ARHGAP39: variants seen among roughly 807,000 people sequenced by gnomAD.
ARHGAP39 encodes rho GTPase-activating protein 39.
ARHGAP39 carries 44 observed loss-of-function variants against 106.9 expected under a neutral mutation model. That is an observed-to-expected ratio of 0.41 (90% CI 0.32 to 0.53). The LOEUF is 0.53. Among genes scored for constraint, ARHGAP39 ranks in the 20% least tolerant of loss-of-function variants. The pLI is 0.21. For synonymous variants in ARHGAP39, 768 were observed against 693.2 expected (o/e 1.11, Z -1.69); for missense variants, 1,496 against 1,577.3 (o/e 0.95, Z 0.87).
At chr8:144,629,325 C>T (rs769591488) in intron 1 of ARHGAP39, among the ~76,000 whole-genome samples, 49 of 152,312 alleles carry the variant, frequency 3.2e-4, no homozygotes, top group Non-Finnish European at 5.6e-4. Context: ...TCTAGCGGGC[C>T]GAAGGCAGAG....
Position 144,681,154 on chromosome 8 carries a change from C to T in ARHGAP39, c.-82+4532G>A, listed in dbSNP as rs535094075. 7.2e-5 allele frequency among the ~76,000 whole-genome samples: 11 copies of T among 152,292 alleles called. No homozygotes were observed. The South Asian group carries it at 2.3e-3, about 32-fold the overall frequency. ...ACTCAACCTCAGGGCACAGCAAAGA[C>T]TTGTCAGATAAACTTGGGAACAAGT... On this transcript the variant is annotated intron_variant, in intron 1 of 11. Transcript: ENST00000377307.
intron 2 of ARHGAP39, among the ~76,000 whole-genome samples, chr8:144,597,777 G>A (rs1819677341): frequency 6.6e-6 from 1 of 152,210 alleles, no homozygotes; most frequent in African/African-American, 2.4e-5. Flanking sequence ...AAAGGCAGGT[G>A]GACAGAGAAC....
At chr8:144,539,375 C>T (rs1270533447) in intron 6 of ARHGAP39, among the ~76,000 whole-genome samples, 1 of 152,184 alleles carries the variant, frequency 6.6e-6, no homozygotes, top group African/African-American at 2.4e-5. Context: ...TCTTCTCATT[C>T]TTTTAACAGT....
intron 6 of ARHGAP39, among the ~76,000 whole-genome samples, chr8:144,539,881 G>C (rs539702171): frequency 3.9e-4 from 59 of 152,282 alleles, no homozygotes; most frequent in Non-Finnish European, 7.5e-4. Flanking sequence ...TAGGTCCTTT[G>C]TAGTTCCTAT....
rs942045550 is a variant in ARHGAP39 at position 144,635,566 on chromosome 8, G to C, written c.-81-29871C>G. On this transcript the variant is annotated intron_variant, in intron 1 of 11. Coordinates refer to ENST00000377307, the MANE Select transcript of ARHGAP39 (RefSeq NM_025251.3). ...CTTGAAAATCAGTCAGACCCAAGGA[G>C]GGGGTGTGGGAACCCCGATTTGTAC... 5.9e-5 allele frequency among the ~76,000 whole-genome samples: 9 copies of C among 152,340 alleles called. No individual in the cohort carries two copies. The East Asian group carries it at 1.7e-3, about 29-fold the overall frequency.
chr8:144,567,867 C>T lies in ARHGAP39; in HGVS notation c.513-12224G>A, dbSNP rs530826890. ...AGATGGCTCACTCTCCTTATCCTGC[C>T]CCTTTGTCTTGTATCCAATAAATAT... On this transcript the variant is annotated intron_variant, in intron 3 of 11. Coordinates refer to ENST00000377307, the MANE Select transcript of ARHGAP39 (RefSeq NM_025251.3). Among the ~76,000 whole-genome samples, 25 of 152,248 alleles carry T rather than the reference C, an allele frequency of 1.6e-4. No individual in the cohort carries two copies. In the South Asian group the frequency reaches 4.2e-3, roughly 25 times the overall value.
intron 3 of ARHGAP39, among the ~76,000 whole-genome samples, chr8:144,570,896 T>C (rs1329277208): frequency 6.6e-6 from 1 of 152,290 alleles, no homozygotes; most frequent in East Asian, 1.9e-4. Context: ...AATTGATAAA[T>C]TCCTGGACAC....
chr8:144,532,984 G>A, intron 9 of ARHGAP39, 142 bp downstream of exon 9: 1 of 1,035,932 alleles, frequency 9.7e-7, no homozygotes, highest in South Asian at 1.6e-5. Flanking sequence ...CCACACTGTG[G>A]CCCCACCCTT....
intron 3 of ARHGAP39, among the ~76,000 whole-genome samples, chr8:144,558,155 C>A (rs926584079): frequency 5.9e-5 from 9 of 152,298 alleles, no homozygotes; most frequent in Admixed American, 1.3e-4. Context: ...ATGAATAATA[C>A]TGTAAAGTCT....
At chr8:144,600,763 A>G (rs528329058) in intron 2 of ARHGAP39, among the ~76,000 whole-genome samples, 1 of 140,344 alleles carries the variant, frequency 7.1e-6, no homozygotes, top group African/African-American at 2.7e-5. Flanking sequence ...TTGTGTACCT[A>G]CCTGCGTGTG....
Position 144,645,812 on chromosome 8 carries a change from A to G in ARHGAP39, c.-82+39874T>C, listed in dbSNP as rs1821430214. Among the ~76,000 whole-genome samples the G allele has an allele frequency of 6.6e-6, 1 of 152,210 alleles. No homozygotes were observed. Among genetic ancestry groups the G allele is most frequent in the East Asian group, 1.9e-4 (1 of 5,196 alleles). On this transcript the variant is annotated intron_variant, in intron 1 of 11. Transcript: ENST00000377307. The surrounding 1 kb of genome is among the most constrained non-coding windows in gnomAD (Gnocchi z 4.4). ...AAGTCATAACCAAAGGGGCTGCCTGAGCGAGGCCAGGGCTGCAGGGGGAGC... is the reference window on the plus strand; with the variant it reads ...AAGTCATAACCAAAGGGGCTGCCTGGGCGAGGCCAGGGCTGCAGGGGGAGC...
chr8:144,533,770 C>T (rs948136539), intron 8 of ARHGAP39, among the ~76,000 whole-genome samples: 1 of 152,178 alleles, frequency 6.6e-6, no homozygotes, highest in Non-Finnish European at 1.5e-5. Context: ...GCTGAGAGCG[C>T]TGGGGAGGGG....
At chr8:144,698,701 C>A in the ARHGAP39 span, 1 of 356,766 alleles carries the variant, frequency 2.8e-6, no homozygotes, top group East Asian at 9.0e-5. Context: ...ATTTTCTTGG[C>A]TTTTCCTGGC....
rs763813078 is a variant in ARHGAP39, at chr8:144,530,840, C to T, written c.3012G>A (p.Leu1004=). 1.1e-5 allele frequency: 17 copies of T among 1,610,918 alleles called. No homozygotes were observed. Among genetic ancestry groups the T allele is most frequent in the Non-Finnish European group, 1.4e-5 (17 of 1,179,556 alleles). Residue 1004 remains leucine (L), a synonymous_variant, in exon 11 of 12, where the codon CTG becomes CTA. Transcript: ENST00000377307. The part of the protein sequence containing the change: ...ASLLKLWYRE[L]EEPLIPHEFY... The stretch of plus-strand genomic sequence containing the variant: ...ACTCGTGCGGGATCAGGGGCTCCTC[C>T]AGCTCCCGGTACCACAGCTTCAGCA...
intron 8 of ARHGAP39, 64 bp downstream of exon 8, chr8:144,534,065 G>T: frequency 6.4e-7 from 1 of 1,573,112 alleles, no homozygotes. Context: ...GGGCTCCTGG[G>T]GCTGTCCACC....
Position 144,581,297 on chromosome 8 carries a change from A to G in ARHGAP39, c.81-20T>C, listed in dbSNP as rs2620647. The G allele has an allele frequency of 1, 1,530,285 of 1,530,624 alleles. 764,974 individuals are homozygous for G. The highest frequency in any genetic ancestry group is 1 in the Admixed American group (50,430 of 50,430). 94.8% of individuals were successfully genotyped at this position (1,530,624 alleles called of 1,614,324 possible). ...TCCAACCTGGGGAGAGACAGGGTTA[A>G]GGCGGCTGGAGCCACGGCGGCCTGG... On this transcript the variant is annotated intron_variant, in intron 2 of 11. Transcript: ENST00000377307.
intron 6 of ARHGAP39, 127 bp downstream of exon 6, chr8:144,545,122 G>A (rs1817353987): frequency 1.2e-6 from 1 of 856,376 alleles, no homozygotes; most frequent in Non-Finnish European, 1.6e-6. Flanking sequence ...CGTTTTGGGA[G>A]GTGTGTGTCG....
At chr8:144,651,019 C>T (rs952625709) in intron 1 of ARHGAP39, among the ~76,000 whole-genome samples, 1 of 152,146 alleles carries the variant, frequency 6.6e-6, no homozygotes, top group Non-Finnish European at 1.5e-5. Context: ...AGCCCAAAAG[C>T]TCTTTCATCA....
At chr8:144,657,113 G>T (rs1276710459) in intron 1 of ARHGAP39, among the ~76,000 whole-genome samples, 1 of 151,858 alleles carries the variant, frequency 6.6e-6, no homozygotes, top group Non-Finnish European at 1.5e-5. Context: ...AATAATTTTG[G>T]CCTAGCATGG....
Sources: allele counts gnomAD v4.1 joint callset (sites outside exome capture counted in the v4.1 genomes callset), GRCh38; gene constraint gnomAD v4.1.1; non-coding constraint Gnocchi (gnomAD v3.1); transcripts MANE v1.5; gene names NCBI Gene and HGNC (gene_info 2026-07-23, HGNC 2026-07-21).